The following ATRN variants were observed in gnomAD, a reference collection of about 807,000 sequenced individuals.
ATRN encodes attractin, also known as attractin-2.
Under a neutral mutation model 178.7 loss-of-function variants are expected in ATRN, and 54 were observed. The ratio of observed to expected loss-of-function variants is 0.30; its 90% CI spans 0.24 to 0.38. The LOEUF is 0.38. Ranked by LOEUF, ATRN falls within the 10% of genes least tolerant of loss-of-function variation. ATRN has a pLI of 1.00. For synonymous variants in ATRN, 636 were observed against 663.0 expected, an observed-to-expected ratio of 0.96 and a Z score of 0.63; for missense variants, 1,443 against 1,815.1, an observed-to-expected ratio of 0.79 and a Z score of 3.73.
intron 1 of ATRN, among the ~76,000 whole-genome samples, chr20:3,504,702 T>TAAG (rs1159089389): frequency 1.1e-5 from 1 of 87,458 alleles, no homozygotes; most frequent in Non-Finnish European, 2.4e-5. Flanking sequence ...ATAATAATAA[T>TAAG]AATAATAATA....
chr20:3,649,828 T>C lies in ATRN; in HGVS notation c.*2981T>C, dbSNP rs962587304. ...TTTGTAGTTTTGTCTAAATTTTTAATGACCATTTCCTGGAATCAGTTTATT... is the reference window on the plus strand; with the variant it reads ...TTTGTAGTTTTGTCTAAATTTTTAACGACCATTTCCTGGAATCAGTTTATT... On this transcript the variant is annotated 3_prime_UTR_variant, in exon 29 of 29. Transcript: ENST00000262919. 5 of 152,246 alleles carry C rather than the reference T, an allele frequency of 3.3e-5. No homozygotes were observed. Among genetic ancestry groups the C allele is most frequent in the Admixed American group, 3.3e-4 (5 of 15,290 alleles). 9.4% of individuals were successfully genotyped at this position (152,246 alleles called of 1,614,324 possible).
chr20:3,566,924 A>AAC (rs2086044916), intron 11 of ATRN, among the ~76,000 whole-genome samples: 1 of 150,054 alleles, frequency 6.7e-6, no homozygotes, highest in Non-Finnish European at 1.5e-5. Flanking sequence ...AAAAAAAAAA[A>AAC]GGAAAAGTGA....
chr20:3,555,255 G>A (rs1021828141), intron 6 of ATRN, among the ~76,000 whole-genome samples: 13 of 151,604 alleles, frequency 8.6e-5, no homozygotes, highest in South Asian at 2.1e-4. Context: ...CACCCGCCTC[G>A]GCCTCCCAAA....
intron 1 of ATRN, among the ~76,000 whole-genome samples, chr20:3,534,022 T>C (rs1187911232): frequency 1.3e-5 from 2 of 152,104 alleles, no homozygotes; most frequent in Non-Finnish European, 2.9e-5. Context: ...GAAAACATGA[T>C]TGGCTTCGAC....
chr20:3,634,513 A>C, intron 26 of ATRN, 124 bp downstream of exon 26: 2 of 778,892 alleles, frequency 2.6e-6, no homozygotes, highest in South Asian at 3.6e-5. Flanking sequence ...CACGGAAGGA[A>C]TAATGCAGCC....
intron 6 of ATRN, among the ~76,000 whole-genome samples, chr20:3,550,713 TAGGAGTGGCAC>T (rs1212147612): frequency 1.3e-5 from 2 of 152,218 alleles, no homozygotes; most frequent in Non-Finnish European, 2.9e-5. Flanking sequence ...TTGCCAGCCC[TAGGAGTGGCAC>T]AGGTGGCACC....
rs143011020 is a variant in ATRN, at chr20:3,591,306, C to T, written c.3322C>T (p.Pro1108Ser). ...TCCCACCAATGGAGGGAAATGTCAG[C>T]GTAAGTCAAATTGGTCAGGTTTACT... The part of the protein sequence containing the change: ...GDPTNGGKCQ[P>S]CKCNGHASLC... The change falls in exon 19 of 29, where the codon CCA becomes TCA. Residue 1108 changes from proline to serine, a missense_variant and splice_region_variant. This residue lies in a region of ATRN where 289 missense variants were observed against 440.8 expected (regional missense o/e 0.66). Coordinates refer to ENST00000262919, the MANE Select transcript of ATRN (RefSeq NM_139321.3). 14 of 1,613,016 alleles carry T rather than the reference C, an allele frequency of 8.7e-6. No homozygotes were observed. Among genetic ancestry groups the T allele is most frequent in the Middle Eastern group, 1.6e-4 (1 of 6,080 alleles).
At chr20:3,623,325 C>T (rs6051981) in intron 24 of ATRN, among the ~76,000 whole-genome samples, 2,414 of 152,216 alleles carry the variant, frequency 0.016, 62 homozygotes, top group African/African-American at 0.055. Context: ...ATTGATGTAA[C>T]TTTGTATTTC....
At chr20:3,570,070 CAA>C (rs796676311) in intron 11 of ATRN, among the ~76,000 whole-genome samples, 16 of 132,458 alleles carry the variant, frequency 1.2e-4, no homozygotes, top group Admixed American at 7.6e-5. Context: ...GACTCTAACT[CAA>C]AAAAAAAAAA....
At chr20:3,471,608 G>A in intron 1 of ATRN, 91 bp downstream of exon 1, 1 of 1,342,612 alleles carries the variant, frequency 7.4e-7, no homozygotes, top group Non-Finnish European at 9.5e-7. Flanking sequence ...GGGAGATGCT[G>A]GACAGAAAGT....
At chr20:3,552,513 A>C (rs1308797563) in intron 6 of ATRN, among the ~76,000 whole-genome samples, 1 of 152,138 alleles carries the variant, frequency 6.6e-6, no homozygotes, top group Non-Finnish European at 1.5e-5. Flanking sequence ...TTGTTTCTTC[A>C]CACCCCGTAT....
intron 1 of ATRN, among the ~76,000 whole-genome samples, chr20:3,488,912 C>A (rs910038165): frequency 6.6e-6 from 1 of 152,140 alleles, no homozygotes; most frequent in South Asian, 2.1e-4. Context: ...ATTTTCTATG[C>A]AGAGGTCTTG....
At chr20:3,566,412 CT>C in intron 11 of ATRN, among the ~76,000 whole-genome samples, 1 of 152,262 alleles carries the variant, frequency 6.6e-6, no homozygotes, top group South Asian at 2.1e-4. Flanking sequence ...GTTAAACAGC[CT>C]AATCACATTA....
At chr20:3,492,865 GCGTGCGCA>G (rs1427259161) in intron 1 of ATRN, among the ~76,000 whole-genome samples, 10 of 121,332 alleles carry the variant, frequency 8.2e-5, no homozygotes, top group African/African-American at 1.5e-4. Context: ...GCGCGCGCGC[GCGTGCGCA>G]CGCACACACA....
chr20:3,562,097 G>C lies in ATRN; in HGVS notation c.1448-179G>C, dbSNP rs1354125485. Among the ~76,000 whole-genome samples, 4 of 152,268 alleles carry C rather than the reference G, an allele frequency of 2.6e-5. No individual in the cohort carries two copies. In the East Asian group the frequency reaches 7.7e-4, roughly 29 times the overall value. Reference sequence around the variant, plus strand: ...GAACATCAGAACATAGAACAGACTGGAATTGGGCCACATGGCTTTGTTATA... The same window carrying C: ...GAACATCAGAACATAGAACAGACTGCAATTGGGCCACATGGCTTTGTTATA... On this transcript the variant is annotated intron_variant, in intron 8 of 28. Transcript: ENST00000262919.
chr20:3,537,748 G>T (rs796992793), intron 2 of ATRN, among the ~76,000 whole-genome samples: 1 of 150,318 alleles, frequency 6.7e-6, no homozygotes, highest in East Asian at 2.0e-4. Context: ...ACCTATAAGT[G>T]AGAACATGTG....
intron 1 of ATRN, among the ~76,000 whole-genome samples, chr20:3,508,590 A>G (rs995612602): frequency 6.6e-6 from 1 of 152,244 alleles, no homozygotes; most frequent in Non-Finnish European, 1.5e-5. Context: ...AGATATTTTC[A>G]GATGAACAAA....
At chr20:3,493,289 G>A (rs2084832934) in intron 1 of ATRN, among the ~76,000 whole-genome samples, 1 of 150,704 alleles carries the variant, frequency 6.6e-6, no homozygotes, top group East Asian at 1.9e-4. Context: ...GAGTAGCTAG[G>A]ACTGCAGGTG....
intron 24 of ATRN, among the ~76,000 whole-genome samples, chr20:3,616,699 C>T (rs865974652): frequency 3.9e-5 from 6 of 151,968 alleles, no homozygotes; most frequent in African/African-American, 1.2e-4. Flanking sequence ...GAAAAGTCAC[C>T]GACGATCAGT....
Sources: allele counts gnomAD v4.1 joint callset (sites outside exome capture counted in the v4.1 genomes callset), GRCh38; gene constraint gnomAD v4.1.1; regional missense constraint gnomAD v4.1.1; transcripts MANE v1.5; gene names NCBI Gene and HGNC (gene_info 2026-07-23, HGNC 2026-07-21).